The following ASRGL1 variants were observed in gnomAD, a reference collection of about 807,000 sequenced individuals.
ASRGL1 encodes asparaginase and isoaspartyl peptidase 1, also known as isoaspartyl peptidase/L-asparaginase.
A neutral mutation model predicts 22.4 loss-of-function variants in ASRGL1; 16 were observed. The observed-to-expected ratio is 0.71, with a 90% CI of 0.48 to 1.08. The LOEUF (loss-of-function observed/expected upper bound fraction) is 1.08. Among genes scored for constraint, ASRGL1 ranks in the 50% least tolerant of loss-of-function variants. ASRGL1 has a pLI of 0.00. For synonymous variants in ASRGL1, 165 were observed against 159.3 expected, an observed-to-expected ratio of 1.04 and a Z score of -0.27; for missense variants, 412 against 410.1, an observed-to-expected ratio of 1.00 and a Z score of -0.04.
chr11:62,389,025 C>G (rs1336596845), intron 4 of ASRGL1, 108 bp from the exon 5 acceptor site: 2 of 914,212 alleles, frequency 2.2e-6, no homozygotes, highest in Admixed American at 4.4e-5. Context: ...AAATGGGTGC[C>G]CCATCAACAT....
intron 4 of ASRGL1, among the ~76,000 whole-genome samples, chr11:62,379,515 T>C (rs1947012567): frequency 6.6e-6 from 1 of 152,152 alleles, no homozygotes; most frequent in South Asian, 2.1e-4. Flanking sequence ...TAATAACCAA[T>C]TGAATTTCAC....
downstream of ASRGL1, among the ~76,000 whole-genome samples, chr11:62,393,621 C>T (rs1314473938): frequency 6.6e-6 from 1 of 152,066 alleles, no homozygotes; most frequent in Non-Finnish European, 1.5e-5. Context: ...GGGTTTATGG[C>T]GCAGTCTTCC....
chr11:62,395,755 GTTTC>G (rs1947425185), downstream of ASRGL1, among the ~76,000 whole-genome samples: 2 of 65,124 alleles, frequency 3.1e-5, no homozygotes, highest in Non-Finnish European at 7.0e-5. Flanking sequence ...TTTTGTAGCT[GTTTC>G]TTTTTTTTTT....
At chr11:62,392,045 T>C (rs1726016186) in intron 6 of ASRGL1, 34 bp from the exon 7 acceptor site, 2 of 1,600,996 alleles carry the variant, frequency 1.2e-6, no homozygotes, top group Admixed American at 1.7e-5. Flanking sequence ...CTTTCAGTAA[T>C]GTGTGTTGTT....
intron 4 of ASRGL1, among the ~76,000 whole-genome samples, chr11:62,360,360 C>A (rs192353738): frequency 1.3e-3 from 193 of 151,012 alleles, no homozygotes; most frequent in African/African-American, 3.9e-3. Flanking sequence ...TTTAGATTAG[C>A]TCTTTATTTT....
chr11:62,361,481 ATTTTTTTT>A (rs35345092), intron 4 of ASRGL1, among the ~76,000 whole-genome samples: 1 of 101,912 alleles, frequency 9.8e-6, no homozygotes, highest in Non-Finnish European at 1.9e-5. Flanking sequence ...AACCTGGCCA[ATTTTTTTT>A]TTTTTTTTTT....
intron 4 of ASRGL1, among the ~76,000 whole-genome samples, chr11:62,363,253 T>G (rs1946528164): frequency 6.6e-6 from 1 of 151,642 alleles, no homozygotes; most frequent in African/African-American, 2.4e-5. Flanking sequence ...TTTTTTAAGT[T>G]TATAGAAACA....
intron 4 of ASRGL1, among the ~76,000 whole-genome samples, chr11:62,387,767 C>T (rs1268382202): frequency 2.0e-5 from 3 of 152,194 alleles, no homozygotes; most frequent in Non-Finnish European, 4.4e-5. Flanking sequence ...TACTACCACC[C>T]TCTACCCCAA....
intron 2 of ASRGL1, among the ~76,000 whole-genome samples, chr11:62,339,985 G>A (rs917738568): frequency 5.3e-5 from 8 of 152,012 alleles, no homozygotes; most frequent in Admixed American, 2.0e-4. Context: ...TCCTGAGACC[G>A]GTGCAGTGGC....
intron 2 of ASRGL1, among the ~76,000 whole-genome samples, chr11:62,343,041 C>T (rs1457889795): frequency 6.6e-6 from 1 of 152,026 alleles, no homozygotes; most frequent in East Asian, 1.9e-4. Flanking sequence ...TAGGTGAGTA[C>T]CTGGGAGTGG....
intron 2 of ASRGL1, 81 bp from the exon 3 acceptor site, chr11:62,356,244 C>A: frequency 6.6e-7 from 1 of 1,517,402 alleles, no homozygotes; most frequent in Admixed American, 1.9e-5. Flanking sequence ...GCTGGCCGGG[C>A]GGGGGGCTGA....
At chr11:62,368,107 G>A (rs113496593) in intron 4 of ASRGL1, among the ~76,000 whole-genome samples, 2 of 151,980 alleles carry the variant, frequency 1.3e-5, no homozygotes, top group Admixed American at 6.6e-5. Context: ...ACTCAACCGC[G>A]GTCTGATGTT....
chr11:62,386,485 T>TCATACATATCATGG (rs1555009083), intron 4 of ASRGL1, among the ~76,000 whole-genome samples: 1 of 141,962 alleles, frequency 7.0e-6, no homozygotes, highest in Non-Finnish European at 1.6e-5. Flanking sequence ...TATGTACATA[T>TCATACATATCATGG]ATATGTACAT....
chr11:62,375,428 T>TTA lies in ASRGL1; in HGVS notation c.492-13653_492-13652dup, dbSNP rs71053051. 6.5e-3 allele frequency among the ~76,000 whole-genome samples: 446 copies of TTA among 68,728 alleles called. 3 individuals carry two copies. The highest frequency in any genetic ancestry group is 7.8e-3 in the African/African-American group (182 of 23,366). The allele number at this position is 68,728 out of a possible 152,430, so 45.1% of individuals were successfully genotyped here. On this transcript the variant is annotated intron_variant, in intron 4 of 6. Transcript: ENST00000415229. ...GGTTTAGTGCTGTAATTGTCTTACTTTATATATATATATATATATATATAT... is the reference window on the plus strand; with the variant it reads ...GGTTTAGTGCTGTAATTGTCTTACTTTATATATATATATATATATATATATAT...
chr11:62,357,177 A>G (rs1590720116), intron 4 of ASRGL1, 33 bp downstream of exon 4: 1 of 1,591,780 alleles, frequency 6.3e-7, no homozygotes, highest in East Asian at 2.2e-5. Flanking sequence ...ATTATTTGGG[A>G]GTTATTAAAA....
chr11:62,400,555 C>G, the ASRGL1 span, among the ~76,000 whole-genome samples: 1 of 152,180 alleles, frequency 6.6e-6, no homozygotes, highest in African/African-American at 2.4e-5. Flanking sequence ...GGGCAGAACC[C>G]CAACCCTCCA....
At chr11:62,365,461 G>GA (rs1377219703) in intron 4 of ASRGL1, among the ~76,000 whole-genome samples, 2 of 152,094 alleles carry the variant, frequency 1.3e-5, no homozygotes, top group African/African-American at 4.8e-5. Context: ...GGCTGAGGCA[G>GA]GGGAATCACT....
downstream of ASRGL1, among the ~76,000 whole-genome samples, chr11:62,394,511 C>A: frequency 6.6e-6 from 1 of 151,672 alleles, no homozygotes; most frequent in South Asian, 2.1e-4. Flanking sequence ...GAATTCAGTC[C>A]ATAACAGGAG....
At chr11:62,389,374 C>T (rs758600269) in intron 5 of ASRGL1, 123 bp downstream of exon 5, 3 of 972,998 alleles carry the variant, frequency 3.1e-6, no homozygotes, top group Non-Finnish European at 4.9e-6. Flanking sequence ...GGTGCAGCTC[C>T]AGGATGTCTG....
Sources: allele counts gnomAD v4.1 joint callset (sites outside exome capture counted in the v4.1 genomes callset), GRCh38; gene constraint gnomAD v4.1.1; transcripts MANE v1.5; gene names NCBI Gene and HGNC (gene_info 2026-07-23, HGNC 2026-07-21).